LMF2: variants seen among roughly 807,000 people sequenced by gnomAD.
The protein encoded by LMF2 is transmembrane protein 112B.
In LMF2, 113 loss-of-function variants were observed where a neutral mutation model predicts 81.5. That is an observed-to-expected ratio of 1.39 (90% CI 1.19 to 1.62). The LOEUF (loss-of-function observed/expected upper bound fraction) is 1.62. Among genes scored for constraint, LMF2 ranks in the 40% most tolerant of loss-of-function variants. LMF2 has a pLI of 0.00. For synonymous variants in LMF2, 645 were observed against 424.5 expected (o/e 1.52, Z -6.39); for missense variants, 1,235 against 929.1 (o/e 1.33, Z -4.28).
Position 50,504,419 on chromosome 22 carries a change from A to G in LMF2, c.1639T>C (p.Tyr547His). 1 of 1,612,108 alleles carries G rather than the reference A, an allele frequency of 6.2e-7. No individual in the cohort carries two copies. Among genetic ancestry groups the G allele is most frequent in the South Asian group, 1.1e-5 (1 of 91,072 alleles). The change falls in exon 12 of 14, where the codon TAT becomes CAT. Residue 547 changes from tyrosine to histidine, a missense_variant. Coordinates refer to ENST00000474879, the MANE Select transcript of LMF2 (RefSeq NM_033200.3). Reference sequence around the variant, plus strand: ...GTGGGCGGCTGCTTGTGGAAGGGATACCTGGCCACTTGGCTCTGGACAAGG... The same window carrying G: ...GTGGGCGGCTGCTTGTGGAAGGGATGCCTGGCCACTTGGCTCTGGACAAGG... ...IRLVQSQVAR[Y>H]PFHKQPPTYV...
In LMF2 at chr22:50,506,436, G is replaced by GT; in HGVS notation, c.443dup (p.His148GlnfsTer89). ...GCCTGCCCTGGGGGGCCTCCTTGCG[G>GT]TGGGAGGCTGGCCTCAGCGGGGCCA... On this transcript the variant is annotated frameshift_variant, in exon 4 of 14. Transcript: ENST00000474879. LOFTEE classifies it high-confidence loss of function. 1 of 1,550,534 alleles carries GT rather than the reference G, an allele frequency of 6.4e-7. No homozygotes were observed. The highest frequency in any genetic ancestry group is 1.4e-5 in the African/African-American group (1 of 73,506).
In LMF2 at chr22:50,505,801, G is replaced by A. The variant is rs2068547370; in HGVS notation, c.789C>T (p.Val263=). ...TGTAGTTGCCGGTGATGATAATCAG[G>A]ACCTGCAGCAGCACCTGGGGGCGGC... The part of the protein sequence containing the change: ...AAFYSQVLLQ[V]LIIITGNYNF... Residue 263 remains valine, a synonymous_variant, in exon 6 of 14, where the codon GTC becomes GTT. Transcript: ENST00000474879. 1 of 1,612,954 alleles carries A rather than the reference G, an allele frequency of 6.2e-7. No homozygotes were observed.
chr22:50,506,850 G>T lies in LMF2; in HGVS notation c.280C>A (p.Leu94Met). 1 of 1,597,384 alleles carries T rather than the reference G, an allele frequency of 6.3e-7. No homozygotes were observed. The highest frequency in any genetic ancestry group is 8.5e-7 in the Non-Finnish European group (1 of 1,172,178). ...LGALVALGAL[L>M]LSPLRHPVIY... ...ACAGGGTGGCGCAGTGGGCTCAGCA[G>T]CAGGGCTCCCAGGGCCACTAGTGCA... The change falls in exon 2 of 14, where the codon CTG (leucine) becomes ATG (methionine). Residue 94 changes from leucine to methionine, a missense_variant. Transcript: ENST00000474879.
rs372469999 is a variant in LMF2, at chr22:50,505,726, G to A, written c.864C>T (p.Asp288=). 1.2e-6 allele frequency: 2 copies of A among 1,613,072 alleles called. No individual in the cohort carries two copies. Among genetic ancestry groups the A allele is most frequent in the African/African-American group, 2.7e-5 (2 of 75,054 alleles). The change falls in exon 6 of 14, where the codon GAC becomes GAT. Residue 288 remains aspartate, a synonymous_variant. Coordinates refer to ENST00000474879, the MANE Select transcript of LMF2 (RefSeq NM_033200.3). Reference sequence around the variant, plus strand: ...GGCCAGGCTCAGCAGCCAGGTGCTGGTCGTCCAGCAGCGCAGTGGTAAGCA... The same window carrying A: ...GGCCAGGCTCAGCAGCCAGGTGCTGATCGTCCAGCAGCGCAGTGGTAAGCA... The part of the protein sequence containing the change: ...TLVLTTALLD[D]QHLAAEPGHG...
chr22:50,506,771 G>C lies in LMF2; in HGVS notation c.348+11C>G. On this transcript the variant is annotated intron_variant, in intron 2 of 13. Transcript: ENST00000474879. Reference sequence around the variant, plus strand: ...TGGAGATAGAGTGAGCTGGTCACAGGTCCCACTTGCCTGGCAGGCTGACAG... The same window carrying C: ...TGGAGATAGAGTGAGCTGGTCACAGCTCCCACTTGCCTGGCAGGCTGACAG... 1 of 1,612,818 alleles carries C rather than the reference G, an allele frequency of 6.2e-7. No individual in the cohort carries two copies. Among genetic ancestry groups the C allele is most frequent in the Non-Finnish European group, 8.5e-7 (1 of 1,179,512 alleles).
chr22:50,506,200 G>C lies in LMF2; in HGVS notation c.609C>G (p.His203Gln). Residue 203 changes from histidine to glutamine, a missense_variant, in exon 5 of 14, where the codon CAC becomes CAG. Coordinates refer to ENST00000474879, the MANE Select transcript of LMF2 (RefSeq NM_033200.3). ...AWWGLTALTYHYETQCLPTPA... is the reference protein window; with the variant it reads ...AWWGLTALTYQYETQCLPTPA... ...GCGTGGGCAGGCACTGGGTCTCGTA[G>C]TGGTAGGTGAGGGCTGCAGGCGAGG... 1 of 1,557,644 alleles carries C rather than the reference G, an allele frequency of 6.4e-7. No homozygotes were observed. Among genetic ancestry groups the C allele is most frequent in the South Asian group, 1.2e-5 (1 of 84,720 alleles).
At chr22:50,507,298 G>C (rs1027823528) in intron 1 of LMF2, 13 of 614,712 alleles carry the variant, frequency 2.1e-5, no homozygotes, top group African/African-American at 1.1e-4. Flanking sequence ...GTCTCAGCCC[G>C]ATCTCCTACC....
At chr22:50,507,294 G>C (rs995627196) in intron 1 of LMF2, 5 of 619,362 alleles carry the variant, frequency 8.1e-6, no homozygotes, top group African/African-American at 3.7e-5. Flanking sequence ...CCAGGTCTCA[G>C]CCCGATCTCC....
Position 50,506,374 on chromosome 22 carries a change from C to A in LMF2, c.506G>T (p.Trp169Leu). The change falls in exon 4 of 14, where the codon TGG (tryptophan) becomes TTG (leucine). Residue 169 changes from tryptophan to leucine, a missense_variant. By Grantham distance (61) the Trp-to-Leu change is moderately conservative (BLOSUM62 -2). Coordinates refer to ENST00000474879, the MANE Select transcript of LMF2 (RefSeq NM_033200.3). Reference protein sequence around the residue: ...GALPHEDLPFWLVRWLLFRLM... With the variant: ...GALPHEDLPFLLVRWLLFRLM... ...GCGGAACAGCAGCCATCGCACCAGC[C>A]AGAAGGGGAGGTCTTCGTGGGGCAG... The A allele has an allele frequency of 1.3e-6, 2 of 1,549,932 alleles. No individual in the cohort carries two copies. Among genetic ancestry groups the A allele is most frequent in the Non-Finnish European group, 8.7e-7 (1 of 1,147,136 alleles).
Position 50,503,633 on chromosome 22 carries a change from A to G in LMF2, c.1882T>C (p.Ser628Pro). 1 of 1,558,496 alleles carries G rather than the reference A, an allele frequency of 6.4e-7. No individual in the cohort carries two copies. The highest frequency in any genetic ancestry group is 1.1e-5 in the South Asian group (1 of 87,408). Residue 628 changes from serine (S) to proline (P), a missense_variant, in exon 14 of 14, where the codon TCT becomes CCT. By Grantham distance (74) the Ser-to-Pro change is moderately conservative. Transcript: ENST00000474879. ...TLAQALHWTRSQLSPLEAPAL... is the reference protein window; with the variant it reads ...TLAQALHWTRPQLSPLEAPAL... ...GGGGCCTCCAGGGGAGACAGCTGAG[A>G]GCGAGTCCAGTGGAGGGCCTGGGCC...
chr22:50,504,670 G>T lies in LMF2; in HGVS notation c.1495C>A (p.Pro499Thr). Residue 499 changes from proline (P) to threonine (T), a missense_variant, in exon 11 of 14, where the codon CCC (proline) becomes ACC (threonine). Coordinates refer to ENST00000474879, the MANE Select transcript of LMF2 (RefSeq NM_033200.3). ...TGCCAGTCCAGGCGTGGCTGGTGGG[G>T]CACCACAACCGGGGGCGGCCGGCTC... ...NLSRPPPVVV[P>T]HQPRLDWQMW... 6.2e-7 allele frequency: 1 copy of T among 1,608,868 alleles called. No homozygotes were observed. The highest frequency in any genetic ancestry group is 8.5e-7 in the Non-Finnish European group (1 of 1,179,294).
Position 50,503,213 on chromosome 22 carries a change from G to T in LMF2, c.*178C>A. On this transcript the variant is annotated 3_prime_UTR_variant, in exon 14 of 14. Transcript: ENST00000474879. ...AGTCCTGGGGAGGGGCATGGCTGGC[G>T]TGGGGGTGGGGCCTGGAGCCCTCAA... 1.7e-6 allele frequency: 1 copy of T among 589,056 alleles called. No individual in the cohort carries two copies. Among genetic ancestry groups the T allele is most frequent in the Non-Finnish European group, 2.9e-6 (1 of 348,892 alleles). The allele number at this position is 589,056 out of a possible 1,614,324, so 36.5% of individuals were successfully genotyped here. A position where few individuals can be genotyped will look rare whatever the true frequency, so the allele number is the denominator to read the frequency against.
At position 50,507,637 on chromosome 22, in the gene LMF2, C is replaced by T. The variant is rs1452341607; in HGVS notation, c.39G>A (p.Gln13=). ...GSRLPRQLFL[Q]GVAAVFMFAF... ...CAAACATGAAGACGGCCGCCACGCC[C>T]TGGAGGAAGAGCTGCCGCGGGAGCC... is the stretch of plus-strand genomic sequence containing the variant. Residue 13 remains glutamine, a synonymous_variant, in exon 1 of 14, where the codon CAG becomes CAA. Coordinates refer to ENST00000474879, the MANE Select transcript of LMF2 (RefSeq NM_033200.3). 6.4e-7 allele frequency: 1 copy of T among 1,555,988 alleles called. No individual in the cohort carries two copies. Among genetic ancestry groups the T allele is most frequent in the Non-Finnish European group, 8.7e-7 (1 of 1,150,654 alleles).
Position 50,504,354 on chromosome 22 carries a change from C to A in LMF2, c.1704G>T (p.Gln568His). ...CCCAGCCTTACCCCTGCTCCCCAGG[C>A]TGGGAGAACCAGTACTTGTAGCGCT... ...RAQRYKYWFS[Q>H]PGEQGQWWRR... The change falls in exon 12 of 14, where the codon CAG (glutamine) becomes CAT (histidine). Residue 568 changes from glutamine to histidine, a missense_variant. Gln to His is a conservative substitution (Grantham distance 24). Coordinates refer to ENST00000474879, the MANE Select transcript of LMF2 (RefSeq NM_033200.3). The A allele has an allele frequency of 6.2e-7, 1 of 1,611,776 alleles. No individual in the cohort carries two copies. Among genetic ancestry groups the A allele is most frequent in the Non-Finnish European group, 8.5e-7 (1 of 1,179,402 alleles).
Position 50,506,403 on chromosome 22 carries a change from CCCTG to C in LMF2, c.473_476del (p.Ala158GlyfsTer29). 6.5e-7 allele frequency: 1 copy of C among 1,550,104 alleles called. No individual in the cohort carries two copies. On this transcript the variant is annotated frameshift_variant, in exon 4 of 14. Transcript: ENST00000474879. LOFTEE classifies it high-confidence loss of function. ...AGGGGAGGTCTTCGTGGGGCAGGGC[CCCTG>C]CCTGCCTGCCCTGGGGGGCCTCCTT...
intron 1 of LMF2, chr22:50,507,380 G>A (rs925176131): frequency 1.3e-5 from 8 of 629,466 alleles, no homozygotes; most frequent in Non-Finnish European, 2.0e-5. Context: ...CCAGGTCAGA[G>A]TCCAGAGCCT....
Position 50,504,428 on chromosome 22 carries a change from C to T in LMF2, c.1630G>A (p.Val544Met), listed in dbSNP as rs753121892. Residue 544 changes from valine to methionine, a missense_variant, in exon 12 of 14, where the codon GTG (valine) becomes ATG (methionine). By Grantham distance (21) the Val-to-Met change is conservative (BLOSUM62 1). Transcript: ENST00000474879. Reference sequence around the variant, plus strand: ...TGCTTGTGGAAGGGATACCTGGCCACTTGGCTCTGGACAAGGCGGATCACT... The same window carrying T: ...TGCTTGTGGAAGGGATACCTGGCCATTTGGCTCTGGACAAGGCGGATCACT... ...EPVIRLVQSQVARYPFHKQPP... is the reference protein window; with the variant it reads ...EPVIRLVQSQMARYPFHKQPP... 4 of 1,612,082 alleles carry T rather than the reference C, an allele frequency of 2.5e-6. No individual in the cohort carries two copies. The Admixed American group carries it at 6.7e-5, about 27-fold the overall frequency.
intron 12 of LMF2, 58 bp downstream of exon 12, chr22:50,504,282 G>C (rs1312556599): frequency 1.0e-6 from 1 of 990,470 alleles, no homozygotes; most frequent in Non-Finnish European, 1.4e-6. Context: ...ACACCCCCCG[G>C]TGCCCGGCCT....
Position 50,503,891 on chromosome 22 carries a change from G to A in LMF2, c.1732C>T (p.Arg578Cys), listed in dbSNP as rs771458568. ...GGGAAGAACTCCTCCACCCACTGGCGCCGCCACCACTGGCTGCAGCAGGAC... is the reference window on the plus strand; with the variant it reads ...GGGAAGAACTCCTCCACCCACTGGCACCGCCACCACTGGCTGCAGCAGGAC... ...QPGEQGQWWRRQWVEEFFPSV... is the reference protein window; with the variant it reads ...QPGEQGQWWRCQWVEEFFPSV... The change falls in exon 13 of 14, where the codon CGC becomes TGC. Residue 578 changes from arginine to cysteine, a missense_variant. Physicochemically the swap from Arg to Cys is radical, Grantham distance 180. Coordinates refer to ENST00000474879, the MANE Select transcript of LMF2 (RefSeq NM_033200.3). 46 of 1,604,754 alleles carry A rather than the reference G, an allele frequency of 2.9e-5. No homozygotes were observed. The highest frequency in any genetic ancestry group is 8.3e-5 in the Admixed American group (5 of 59,936).
Sources: gnomAD v4.1 joint callset for allele counts on GRCh38, gnomAD v4.1.1 for gene constraint, MANE v1.5 for transcripts, NCBI Gene and HGNC (gene_info 2026-07-23, HGNC 2026-07-21) for gene names.